Variants in RALY observed in about 807,000 individuals in gnomAD.
RALY encodes the protein RALY heterogeneous nuclear ribonucleoprotein, also known as RNA-binding protein Raly.
A neutral mutation model predicts 30.7 loss-of-function variants in RALY; 15 were observed. That is an observed-to-expected ratio of 0.49 (90% confidence interval 0.33 to 0.75). RALY has a LOEUF of 0.75. RALY is among the 30% of genes least tolerant of loss of function. The probability of loss-of-function intolerance (pLI) is 0.02; values close to 1 mark genes in which losing one functional copy is unlikely to be tolerated. For synonymous variants in RALY, 177 were observed against 170.8 expected, an observed-to-expected ratio of 1.04 and a Z score of -0.28; for missense variants, 339 against 414.3, an observed-to-expected ratio of 0.82 and a Z score of 1.58.
rs557510474 is a variant in RALY at position 34,080,355 on chromosome 20, C to A, written c.*450C>A. ...CTGGTCTAGGGTGCCTAATACTGAT[C>A]CATCTGGACCTTAGTGTCCTCAGTG... On this transcript the variant is annotated 3_prime_UTR_variant, in exon 10 of 10. Coordinates refer to ENST00000246194, the MANE Select transcript of RALY (RefSeq NM_016732.3). The A allele has an allele frequency of 6.6e-6, 1 of 152,304 alleles. No homozygotes were observed. The highest frequency in any genetic ancestry group is 6.5e-5 in the Admixed American group (1 of 15,302). The allele number at this position is 152,304 out of a possible 1,614,324, so 9.4% of individuals were successfully genotyped here. A position where few individuals can be genotyped will look rare whatever the true frequency, so the allele number is the denominator to read the frequency against.
At chr20:34,035,833 G>A (rs1418865006) in intron 2 of RALY, among the ~76,000 whole-genome samples, 1 of 152,108 alleles carries the variant, frequency 6.6e-6, no homozygotes, top group African/African-American at 2.4e-5. Flanking sequence ...AAGGGAATAG[G>A]GAGACACTGG....
At chr20:34,043,886 G>T (rs928871856) in intron 2 of RALY, among the ~76,000 whole-genome samples, 1 of 152,154 alleles carries the variant, frequency 6.6e-6, no homozygotes, top group Non-Finnish European at 1.5e-5. Flanking sequence ...AGGCTAGAGC[G>T]ATAATCACTC....
At chr20:33,999,747 G>A (rs887058612) in intron 1 of RALY, among the ~76,000 whole-genome samples, 4 of 152,102 alleles carry the variant, frequency 2.6e-5, no homozygotes, top group African/African-American at 9.7e-5. Context: ...TGGGGAGAGG[G>A]TGGATGGGGC....
At chr20:34,060,661 C>T (rs1034262759) in intron 2 of RALY, among the ~76,000 whole-genome samples, 29 of 152,162 alleles carry the variant, frequency 1.9e-4, no homozygotes, top group Admixed American at 1.6e-3. Flanking sequence ...TATCTCCTGA[C>T]GACATTCCAT....
At chr20:34,011,973 T>C (rs1414784696) in intron 1 of RALY, among the ~76,000 whole-genome samples, 1 of 151,218 alleles carries the variant, frequency 6.6e-6, no homozygotes, top group Non-Finnish European at 1.5e-5. Flanking sequence ...GGCTTAGGCA[T>C]GAGAATCGTT....
intron 5 of RALY, among the ~76,000 whole-genome samples, chr20:34,074,672 CTT>C: frequency 6.6e-6 from 1 of 152,214 alleles, no homozygotes; most frequent in South Asian, 2.1e-4. Flanking sequence ...ATTATGTGAT[CTT>C]GGGCAAATTC....
At chr20:34,004,469 G>A (rs2031069939) in intron 1 of RALY, among the ~76,000 whole-genome samples, 1 of 152,172 alleles carries the variant, frequency 6.6e-6, no homozygotes, top group African/African-American at 2.4e-5. Context: ...CAGAGATGGA[G>A]AACATTCTGT....
At chr20:34,036,007 C>T (rs945348626) in intron 2 of RALY, among the ~76,000 whole-genome samples, 2 of 151,902 alleles carry the variant, frequency 1.3e-5, no homozygotes, top group Non-Finnish European at 2.9e-5. Flanking sequence ...ATGGAGTAAA[C>T]GAAGGGGGAG....
intron 2 of RALY, among the ~76,000 whole-genome samples, chr20:34,058,949 A>G (rs985935517): frequency 6.6e-6 from 1 of 152,168 alleles, no homozygotes; most frequent in Non-Finnish European, 1.5e-5. Flanking sequence ...CACAGGAAGC[A>G]GATGCTTAGT....
intron 2 of RALY, among the ~76,000 whole-genome samples, chr20:34,063,598 G>A (rs1433217125): frequency 6.6e-6 from 1 of 152,182 alleles, no homozygotes; most frequent in African/African-American, 2.4e-5. Context: ...TAAATTGTAT[G>A]TTCCCTTTTT....
intron 1 of RALY, among the ~76,000 whole-genome samples, chr20:34,018,674 T>C (rs541931927): frequency 6.8e-5 from 8 of 118,084 alleles, no homozygotes; most frequent in African/African-American, 1.7e-4. Flanking sequence ...AAATTTCTTT[T>C]GGTGTTTGTT....
intron 2 of RALY, among the ~76,000 whole-genome samples, chr20:34,057,291 G>A (rs2033275085): frequency 6.6e-6 from 1 of 152,174 alleles, no homozygotes; most frequent in African/African-American, 2.4e-5. Flanking sequence ...GGGGTTAGAT[G>A]ATTTCATATG....
chr20:34,070,746 G>T (rs564769381), intron 2 of RALY, among the ~76,000 whole-genome samples: 3 of 152,208 alleles, frequency 2.0e-5, no homozygotes, highest in Non-Finnish European at 2.9e-5. Context: ...ACATTAACTT[G>T]TGGGATCTTG....
intron 2 of RALY, among the ~76,000 whole-genome samples, chr20:34,044,980 G>A (rs1295965913): frequency 1.3e-5 from 2 of 151,932 alleles, no homozygotes; most frequent in Admixed American, 6.6e-5. Flanking sequence ...TGGCATGATC[G>A]TGGCTCACTG....
At chr20:34,071,668 T>A (rs1458419708) in intron 2 of RALY, among the ~76,000 whole-genome samples, 1 of 152,136 alleles carries the variant, frequency 6.6e-6, no homozygotes, top group Non-Finnish European at 1.5e-5. Flanking sequence ...ATCTTCAAAT[T>A]TAGATCCTGA....
chr20:34,038,105 AGGGCTCT>A lies in RALY; in HGVS notation c.-10+6509_-10+6515del, dbSNP rs543079833. 9.2e-5 allele frequency among the ~76,000 whole-genome samples: 14 copies of A among 152,328 alleles called. No individual in the cohort carries two copies. In the South Asian group the frequency reaches 2.5e-3, roughly 27 times the overall value. On this transcript the variant is annotated intron_variant, in intron 2 of 9. Coordinates refer to ENST00000246194, the MANE Select transcript of RALY (RefSeq NM_016732.3). ...CTTGGGGGAAAGGAATTGCATGCAA[AGGGCTCT>A]GGGCTCTATGAGGTCCCGGGTTCCC...
At position 34,035,179 on chromosome 20, in the gene RALY, A is replaced by AAAAAAAAAC. The variant is rs1568669776; in HGVS notation, c.-10+3577_-10+3585dup. Among the ~76,000 whole-genome samples, 408 of 144,834 alleles carry AAAAAAAAAC rather than the reference A, an allele frequency of 2.8e-3. 7 individuals carry two copies. The highest frequency in any genetic ancestry group is 0.011 in the African/African-American group (398 of 37,340). ...AAAAAAAAAAAAAAAAAAAAAAAAA[A>AAAAAAAAAC]AAAAAAAACAGTCTGGAGGCCACTT... On this transcript the variant is annotated intron_variant, in intron 2 of 9. Transcript: ENST00000246194.
At chr20:34,025,493 G>A (rs761783635) in intron 1 of RALY, among the ~76,000 whole-genome samples, 6 of 151,844 alleles carry the variant, frequency 4.0e-5, no homozygotes, top group Admixed American at 2.0e-4. Flanking sequence ...TAGTAGAGAC[G>A]GAGTTTAGCC....
At chr20:34,069,407 G>T (rs928180178) in intron 2 of RALY, among the ~76,000 whole-genome samples, 6 of 152,128 alleles carry the variant, frequency 3.9e-5, no homozygotes, top group African/African-American at 1.4e-4. Flanking sequence ...TTCAGCAAAT[G>T]CTTCCTGCTC....
Sources: gnomAD v4.1 joint callset for allele counts (sites outside exome capture counted in the v4.1 genomes callset) on GRCh38, gnomAD v4.1.1 for gene constraint, MANE v1.5 for transcripts, NCBI Gene and HGNC (gene_info 2026-07-23, HGNC 2026-07-21) for gene names.